The following DDX4 variants were observed in gnomAD, a reference collection of about 807,000 sequenced individuals.
DDX4 encodes the protein probable ATP-dependent RNA helicase DDX4.
A neutral mutation model predicts 100.0 loss-of-function variants in DDX4; 25 were observed. The ratio of observed to expected loss-of-function variants is 0.25; its 90% CI spans 0.18 to 0.35. The LOEUF (loss-of-function observed/expected upper bound fraction) is 0.35, where lower values mean the gene tolerates loss of function less well. DDX4 is among the 10% of genes least tolerant of loss of function. The pLI is 1.00. For synonymous variants in DDX4, 259 were observed against 275.7 expected (o/e 0.94, Z 0.60); for missense variants, 635 against 882.4 (o/e 0.72, Z 3.55).
At chr5:55,757,929 G>A (rs769797525) in intron 3 of DDX4, among the ~76,000 whole-genome samples, 8 of 152,016 alleles carry the variant, frequency 5.3e-5, no homozygotes, top group Admixed American at 4.6e-4. Context: ...CCTCTAGTCC[G>A]AGCTACTCAG....
At chr5:55,754,889 G>T (rs1339437864) in intron 3 of DDX4, among the ~76,000 whole-genome samples, 3 of 151,990 alleles carry the variant, frequency 2.0e-5, no homozygotes, top group Non-Finnish European at 2.9e-5. Context: ...ACTTCTTCCT[G>T]GTTTAGTCTT....
At chr5:55,789,741 ATTCT>A (rs1470489157) in intron 15 of DDX4, among the ~76,000 whole-genome samples, 4 of 152,268 alleles carry the variant, frequency 2.6e-5, no homozygotes, top group African/African-American at 9.6e-5. Flanking sequence ...GAAACACGGG[ATTCT>A]TCTGAACTTG....
chr5:55,738,885 G>C (rs1188286684), intron 1 of DDX4, 65 bp from the exon 2 acceptor site: 1 of 933,448 alleles, frequency 1.1e-6, no homozygotes, highest in East Asian at 2.4e-5. Context: ...ATGAGTTTAT[G>C]CTTTTAAAGT....
chr5:55,805,684 A>G (rs1023702883), intron 18 of DDX4, among the ~76,000 whole-genome samples: 5 of 152,214 alleles, frequency 3.3e-5, no homozygotes, highest in African/African-American at 1.2e-4. Flanking sequence ...CCACTTGATC[A>G]TGGTGGATAA....
intron 18 of DDX4, among the ~76,000 whole-genome samples, chr5:55,800,613 T>C (rs945408917): frequency 1.3e-5 from 2 of 152,298 alleles, no homozygotes; most frequent in African/African-American, 4.8e-5. Context: ...CATGAGCCAC[T>C]GTGCCCGGCC....
intron 16 of DDX4, 74 bp downstream of exon 16, chr5:55,790,779 T>G (rs770129805): frequency 5.9e-5 from 78 of 1,325,390 alleles, no homozygotes; most frequent in Middle Eastern, 5.4e-4. Context: ...AAGAATGAGG[T>G]AAAGACAGAT....
intron 19 of DDX4, 38 bp downstream of exon 19, chr5:55,813,810 C>T (rs771586412): frequency 6.6e-7 from 1 of 1,511,820 alleles, no homozygotes; most frequent in African/African-American, 1.4e-5. Flanking sequence ...AGGGGAATGA[C>T]TTCTATTTGG....
chr5:55,807,687 G>C (rs1215488341), intron 18 of DDX4, among the ~76,000 whole-genome samples: 1 of 152,194 alleles, frequency 6.6e-6, no homozygotes, highest in Non-Finnish European at 1.5e-5. Flanking sequence ...TCTGCCGAGA[G>C]ATCAGCTGTT....
intron 7 of DDX4, among the ~76,000 whole-genome samples, chr5:55,772,374 T>A (rs1347100034): frequency 6.6e-6 from 1 of 152,176 alleles, no homozygotes. Context: ...TGTCCTAAAT[T>A]AGGTGGCTTA....
intron 10 of DDX4, 128 bp from the exon 11 acceptor site, chr5:55,785,169 T>C: frequency 2.9e-6 from 2 of 700,194 alleles, no homozygotes; most frequent in Non-Finnish European, 2.5e-6. Context: ...ATTTAATTGT[T>C]TCAAGTATTT....
chr5:55,804,246 C>G (rs570267618), intron 18 of DDX4, among the ~76,000 whole-genome samples: 12 of 151,898 alleles, frequency 7.9e-5, no homozygotes, highest in Admixed American at 3.3e-4. Context: ...GAGTAGGTTG[C>G]GAAAATTTTC....
At chr5:55,748,445 T>C (rs182446656) in intron 3 of DDX4, among the ~76,000 whole-genome samples, 1 of 152,280 alleles carries the variant, frequency 6.6e-6, no homozygotes, top group Admixed American at 6.5e-5. Flanking sequence ...ATAACACTGT[T>C]TTGTATTGGA....
intron 18 of DDX4, among the ~76,000 whole-genome samples, chr5:55,802,193 T>C (rs76548182): frequency 0.024 from 3,629 of 152,288 alleles, 107 homozygotes; most frequent in Non-Finnish European, 0.031. Flanking sequence ...CAGATTCTTA[T>C]TTAACTGTTG....
intron 3 of DDX4, among the ~76,000 whole-genome samples, chr5:55,757,101 A>G (rs917095125): frequency 6.6e-6 from 1 of 152,202 alleles, no homozygotes; most frequent in Non-Finnish European, 1.5e-5. Context: ...CTACTCTTGT[A>G]CCATCATTTT....
intron 17 of DDX4, among the ~76,000 whole-genome samples, chr5:55,795,245 G>A (rs189139880): frequency 5.9e-5 from 9 of 152,254 alleles, no homozygotes; most frequent in Admixed American, 3.9e-4. Context: ...GATTGTAAGC[G>A]TGAGCCACCG....
chr5:55,765,971 A>ATTT (rs34999279), intron 6 of DDX4, among the ~76,000 whole-genome samples: 230 of 131,392 alleles, frequency 1.8e-3, no homozygotes, highest in African/African-American at 4.5e-3. Context: ...CGCCCGACTA[A>ATTT]TTTTTTTTTT....
At chr5:55,746,242 G>C in intron 3 of DDX4, 21 bp downstream of exon 3, 7 of 1,597,140 alleles carry the variant, frequency 4.4e-6, no homozygotes, top group Non-Finnish European at 6.0e-6. Flanking sequence ...TGGGAAAAAG[G>C]TAAAACCCTT....
intron 18 of DDX4, among the ~76,000 whole-genome samples, chr5:55,810,214 C>G (rs1580611542): frequency 6.6e-6 from 1 of 152,050 alleles, no homozygotes; most frequent in African/African-American, 2.4e-5. Flanking sequence ...AAGCGATTCT[C>G]CTCCCTCAGC....
chr5:55,768,041 C>A (rs1580544620), intron 7 of DDX4, 101 bp downstream of exon 7: 2 of 1,088,930 alleles, frequency 1.8e-6, no homozygotes, highest in East Asian at 2.4e-5. Flanking sequence ...ATCGTGAAAA[C>A]CTTTGAAGAA....
Sources: allele counts gnomAD v4.1 joint callset (sites outside exome capture counted in the v4.1 genomes callset), GRCh38; gene constraint gnomAD v4.1.1; transcripts MANE v1.5; gene names NCBI Gene and HGNC (gene_info 2026-07-23, HGNC 2026-07-21).